The following NDRG2 variants were observed in gnomAD, a reference collection of about 807,000 sequenced individuals.
NDRG2 encodes NDRG family member 2.
A neutral mutation model predicts 58.2 loss-of-function variants in NDRG2; 34 were observed. That is an observed-to-expected ratio of 0.58 (90% CI 0.44 to 0.78). The LOEUF is 0.78. NDRG2 is among the 30% of genes least tolerant of loss of function. The pLI, the probability that NDRG2 is intolerant of heterozygous loss-of-function variation, is 0.00. For missense variants in NDRG2, 434 were observed against 471.2 expected (o/e 0.92, Z 0.73); for synonymous variants, 187 against 175.9 (o/e 1.06, Z -0.50).
At chr14:21,030,563 C>A, upstream of NDRG2, 1 of 1,611,488 alleles carries the variant, frequency 6.2e-7, no homozygotes, top group Non-Finnish European at 8.5e-7. Flanking sequence ...CGACTGCCCT[C>A]CCCGACCTCT....
chr14:21,017,619 G>GC lies in NDRG2; in HGVS notation c.1092dup (p.His365AlafsTer26). The GC allele has an allele frequency of 6.2e-7, 1 of 1,613,734 alleles. No individual in the cohort carries two copies. On this transcript the variant is annotated frameshift_variant, in exon 16 of 16. Transcript: ENST00000556147. LOFTEE classifies it high-confidence loss of function. ...ATTCAACAGGAGACCTCCATGGTGT[G>GC]CCCCGGGGGCCCCGAAGAAAGAGTT...
At chr14:21,068,331 G>T (rs889263517) in intron 1 of NDRG2, among the ~76,000 whole-genome samples, 1 of 151,114 alleles carries the variant, frequency 6.6e-6, no homozygotes, top group Non-Finnish European at 1.5e-5. Context: ...AAAAAAAAAT[G>T]ATCCACTCCC....
At chr14:21,041,155 G>A (rs985869026) in intron 1 of NDRG2, among the ~76,000 whole-genome samples, 1 of 152,002 alleles carries the variant, frequency 6.6e-6, no homozygotes, top group Non-Finnish European at 1.5e-5. Context: ...CACCATGCCT[G>A]GCTAATTTTT....
chr14:21,032,253 A>T (rs1594479772), intron 1 of NDRG2: 3 of 708,758 alleles, frequency 4.2e-6, no homozygotes, highest in Non-Finnish European at 7.6e-6. Flanking sequence ...TGGGTTCTCC[A>T]CCACACACCC....
At chr14:21,051,711 C>T (rs1216350602) in intron 1 of NDRG2, among the ~76,000 whole-genome samples, 1 of 152,206 alleles carries the variant, frequency 6.6e-6, no homozygotes, top group Non-Finnish European at 1.5e-5. Flanking sequence ...AGGAATGTGG[C>T]CACTGGATTC....
intron 1 of NDRG2, among the ~76,000 whole-genome samples, chr14:21,047,137 G>A (rs994681873): frequency 1.3e-5 from 2 of 152,086 alleles, no homozygotes; most frequent in Non-Finnish European, 2.9e-5. Context: ...TAACCATGTG[G>A]AAATTTTAAA....
chr14:21,022,045 A>G lies in NDRG2; in HGVS notation c.344+17T>C. ...GTTCCTCACAGTCTGGTGAAGCAGT[A>G]ACGACCTAACTCTTACCCCAAAGGG... On this transcript the variant is annotated intron_variant, in intron 5 of 15. Coordinates refer to ENST00000556147, the MANE Select transcript of NDRG2 (RefSeq NM_001320329.2). 6.2e-7 allele frequency: 1 copy of G among 1,614,168 alleles called. No individual in the cohort carries two copies. Among genetic ancestry groups the G allele is most frequent in the Non-Finnish European group, 8.5e-7 (1 of 1,180,018 alleles).
Position 21,024,674 on chromosome 14 carries a change from G to T in NDRG2, c.-651C>A. On this transcript the variant is annotated 5_prime_UTR_variant, in exon 1 of 16. Transcript: ENST00000556147. ...CAATCTTCTCCCGTTCTCCCCCGAC[G>T]GCCCGCGAAGGCAAGCGCCATCGGG... 1.0e-6 allele frequency: 1 copy of T among 985,484 alleles called. No homozygotes were observed. The highest frequency in any genetic ancestry group is 1.2e-6 in the Non-Finnish European group (1 of 829,996). The allele number at this position is 985,484 out of a possible 1,614,324, so 61.0% of individuals were successfully genotyped here.
At chr14:21,043,316 G>C in intron 1 of NDRG2, 1 of 1,614,190 alleles carries the variant, frequency 6.2e-7, no homozygotes, top group Non-Finnish European at 8.5e-7. Flanking sequence ...CCCTGACCAT[G>C]TGTAAGCTCA....
chr14:21,017,581 G>A lies in NDRG2; in HGVS notation c.*15C>T. The A allele has an allele frequency of 1.2e-6, 2 of 1,611,144 alleles. No individual in the cohort carries two copies. The highest frequency in any genetic ancestry group is 1.7e-6 in the Non-Finnish European group (2 of 1,178,644). On this transcript the variant is annotated 3_prime_UTR_variant, in exon 16 of 16. Coordinates refer to ENST00000556147, the MANE Select transcript of NDRG2 (RefSeq NM_001320329.2). ...AGGTGAGGGCTGGGTCCCACTCTAG[G>A]GCAACAAGGGCCATTCAACAGGAGA... is the stretch of plus-strand genomic sequence containing the variant.
intron 1 of NDRG2, among the ~76,000 whole-genome samples, chr14:21,065,146 G>A (rs1886196271): frequency 6.6e-6 from 1 of 151,826 alleles, no homozygotes; most frequent in Non-Finnish European, 1.5e-5. Flanking sequence ...ACTCCAGCCT[G>A]GGCGATGAGC....
intron 4 of NDRG2, 29 bp from the exon 5 acceptor site, chr14:21,022,211 T>C (rs776606808): frequency 6.8e-6 from 11 of 1,613,994 alleles, no homozygotes; most frequent in Non-Finnish European, 9.3e-6. Flanking sequence ...ACCTCAACAA[T>C]AGAATCAGAC....
rs559657226 is a variant in NDRG2 at position 21,054,637 on chromosome 14, A to G, written c.24+16191T>C. On this transcript the variant is annotated intron_variant, in intron 1 of 14. Coordinates refer to the NDRG2 transcript ENST00000403829. ...TCAATAAACAGGAAAGCAGTGTGGC[A>G]AGGAAAGATAACATGAACTTTGGAG... is the stretch of plus-strand genomic sequence containing the variant. Among the ~76,000 whole-genome samples, 5 of 152,346 alleles carry G rather than the reference A, an allele frequency of 3.3e-5. No individual in the cohort carries two copies. The East Asian group carries it at 9.6e-4, about 29-fold the overall frequency.
At chr14:21,042,758 G>A (rs1367157583) in intron 1 of NDRG2, among the ~76,000 whole-genome samples, 1 of 152,122 alleles carries the variant, frequency 6.6e-6, no homozygotes, top group Non-Finnish European at 1.5e-5. Flanking sequence ...ACAGAATGAA[G>A]GGAACAGAAA....
Position 21,022,081 on chromosome 14 carries a change from C to T in NDRG2, c.325G>A (p.Ala109Thr), listed in dbSNP as rs1437469417. 1 of 1,614,178 alleles carries T rather than the reference C, an allele frequency of 6.2e-7. No individual in the cohort carries two copies. The highest frequency in any genetic ancestry group is 1.7e-5 in the Admixed American group (1 of 60,020). ...HVDAPGMEEG[A>T]PVFPLGYQYP... is the part of the protein sequence containing the mutation. ...TCTTACCCCAAAGGGAACACAGGGGCTCCCTCTTCCATTCCAGGGGCATCC... is the reference window on the plus strand; with the variant it reads ...TCTTACCCCAAAGGGAACACAGGGGTTCCCTCTTCCATTCCAGGGGCATCC... Residue 109 changes from alanine (A) to threonine (T), a missense_variant, in exon 5 of 16, where the codon GCC (alanine) becomes ACC (threonine). Ala to Thr is a moderately conservative substitution (Grantham distance 58, BLOSUM62 0). Coordinates refer to ENST00000556147, the MANE Select transcript of NDRG2 (RefSeq NM_001320329.2).
chr14:21,056,239 C>T (rs991537223), intron 1 of NDRG2, among the ~76,000 whole-genome samples: 2 of 152,086 alleles, frequency 1.3e-5, no homozygotes, highest in Non-Finnish European at 2.9e-5. Context: ...AGAGCCAGTT[C>T]CCCAACTGCA....
At chr14:21,043,343 G>C in intron 1 of NDRG2, 1 of 1,614,130 alleles carries the variant, frequency 6.2e-7, no homozygotes, top group Non-Finnish European at 8.5e-7. Context: ...GGAAGCATCC[G>C]AACTGCAGGT....
intron 14 of NDRG2, 67 bp downstream of exon 14, chr14:21,018,137 G>A (rs1877871035): frequency 1.2e-6 from 2 of 1,605,632 alleles, no homozygotes; most frequent in East Asian, 4.5e-5. Context: ...GTGTGGCAAA[G>A]GGCAGAGCCC....
chr14:21,050,339 A>C (rs970963038), intron 1 of NDRG2, among the ~76,000 whole-genome samples: 3 of 152,222 alleles, frequency 2.0e-5, no homozygotes, highest in Non-Finnish European at 4.4e-5. Flanking sequence ...AAGGATATGC[A>C]ACAAGAAAAA....
Sources: gnomAD v4.1 joint callset for allele counts (sites outside exome capture counted in the v4.1 genomes callset) on GRCh38, gnomAD v4.1.1 for gene constraint, MANE v1.5 for transcripts, NCBI Gene and HGNC (gene_info 2026-07-23, HGNC 2026-07-21) for gene names.